EXOC5: variants seen among roughly 807,000 people sequenced by gnomAD.
The protein encoded by EXOC5 is exocyst complex component 5.
Under a neutral mutation model 90.8 loss-of-function variants are expected in EXOC5, and 17 were observed. The observed-to-expected ratio is 0.19, with a 90% confidence interval of 0.13 to 0.28. EXOC5 has a LOEUF of 0.28. EXOC5 is among the 10% of genes least tolerant of loss of function. The pLI, the probability that EXOC5 is intolerant of heterozygous loss-of-function variation, is 1.00. For missense variants in EXOC5, 569 were observed against 830.6 expected (o/e 0.69, Z 3.87); for synonymous variants, 260 against 270.0 (o/e 0.96, Z 0.36).
chr14:57,232,355 A>G (rs1883512046), intron 10 of EXOC5: 4 of 177,744 alleles, frequency 2.3e-5, no homozygotes, highest in African/African-American at 9.4e-5. Flanking sequence ...GAAGATTTAG[A>G]GCTGAAATTG....
At chr14:57,241,140 C>T (rs1883846087) in intron 4 of EXOC5, among the ~76,000 whole-genome samples, 2 of 152,310 alleles carry the variant, frequency 1.3e-5, no homozygotes, top group South Asian at 2.1e-4. Flanking sequence ...AGGCTTGAGA[C>T]ACCACGCCCT....
chr14:57,225,530 A>C (rs981453531), intron 12 of EXOC5, among the ~76,000 whole-genome samples: 2 of 152,144 alleles, frequency 1.3e-5, no homozygotes, highest in Admixed American at 6.5e-5. Flanking sequence ...AAAAATAAGT[A>C]AAACTGTATT....
At chr14:57,222,150 A>G (rs1249631695) in intron 13 of EXOC5, among the ~76,000 whole-genome samples, 158 bp downstream of exon 13, 1 of 152,262 alleles carries the variant, frequency 6.6e-6, no homozygotes, top group East Asian at 1.9e-4. Flanking sequence ...TATAGCTTTC[A>G]GCACCTGGCA....
chr14:57,232,081 T>G (rs1404349119), intron 10 of EXOC5: 1 of 175,348 alleles, frequency 5.7e-6, no homozygotes, highest in Non-Finnish European at 1.2e-5. Flanking sequence ...TCACCCTCTT[T>G]TGTTTTGTCC....
chr14:57,222,218 A>G, intron 13 of EXOC5, 90 bp downstream of exon 13: 1 of 609,664 alleles, frequency 1.6e-6, no homozygotes, highest in Non-Finnish European at 2.8e-6. Context: ...TGAGACACAG[A>G]GATGATTATA....
chr14:57,214,765 A>G (rs1594648401), intron 15 of EXOC5, among the ~76,000 whole-genome samples: 1 of 152,358 alleles, frequency 6.6e-6, no homozygotes, highest in East Asian at 1.9e-4. Flanking sequence ...GTATTTCAAG[A>G]AAGTAATTCA....
At chr14:57,238,970 A>G (rs1432902063) in intron 5 of EXOC5, among the ~76,000 whole-genome samples, 1 of 152,130 alleles carries the variant, frequency 6.6e-6, no homozygotes, top group Non-Finnish European at 1.5e-5. Context: ...AGAAATCATG[A>G]AAAAATTTCC....
At chr14:57,213,949 GAC>G (rs1882899439) in intron 15 of EXOC5, among the ~76,000 whole-genome samples, 2 of 126,360 alleles carry the variant, frequency 1.6e-5, no homozygotes, top group African/African-American at 1.1e-4. Flanking sequence ...CAGCCTGGGA[GAC>G]AGTGAGACTC....
intron 1 of EXOC5, among the ~76,000 whole-genome samples, chr14:57,251,472 G>A (rs1884190504): frequency 6.6e-6 from 1 of 152,122 alleles, no homozygotes; most frequent in Admixed American, 6.6e-5. Flanking sequence ...AAGGGAAATT[G>A]TAAAATACTT....
chr14:57,239,688 T>G (rs1883796182), intron 4 of EXOC5, 29 bp from the exon 5 acceptor site: 2 of 1,388,418 alleles, frequency 1.4e-6, no homozygotes, highest in African/African-American at 2.9e-5. Context: ...AAGCAATAAT[T>G]TAAAAAACTT....
In EXOC5 at chr14:57,201,618, C is replaced by T. The variant is rs1882512816; in HGVS notation, c.*6991G>A. The T allele has an allele frequency of 6.8e-6, 1 of 147,570 alleles. No homozygotes were observed. The highest frequency in any genetic ancestry group is 1.5e-5 in the Non-Finnish European group (1 of 67,110). The allele number at this position is 147,570 out of a possible 1,614,324, so 9.1% of individuals were successfully genotyped here. A position where few individuals can be genotyped will look rare whatever the true frequency, so the allele number is the denominator to read the frequency against. ...TATAAAGGATGGCTGGTTAAGGTGG[C>T]TCACACCTGTAATCCCAGGACTTTG... On this transcript the variant is annotated 3_prime_UTR_variant, in exon 18 of 18. Transcript: ENST00000621441.
At chr14:57,234,569 CTT>C (rs1196266019) in intron 7 of EXOC5, among the ~76,000 whole-genome samples, 2 of 122,472 alleles carry the variant, frequency 1.6e-5, no homozygotes, top group African/African-American at 3.0e-5. Flanking sequence ...ATATATATTT[CTT>C]TTTTTTTTTT....
chr14:57,222,796 CATACACACACACAT>C (rs1883191037), intron 12 of EXOC5, among the ~76,000 whole-genome samples: 1 of 147,050 alleles, frequency 6.8e-6, no homozygotes, highest in African/African-American at 2.4e-5. Flanking sequence ...CACACACACA[CATACACACACACAT>C]ACATACATAC....
chr14:57,241,157 T>C (rs1883846858), intron 4 of EXOC5, among the ~76,000 whole-genome samples: 1 of 152,142 alleles, frequency 6.6e-6, no homozygotes. Context: ...CCCTGCCCAA[T>C]ATAGATTTTT....
intron 1 of EXOC5, among the ~76,000 whole-genome samples, chr14:57,254,512 C>T (rs1235386451): frequency 6.6e-6 from 1 of 151,582 alleles, no homozygotes; most frequent in East Asian, 1.9e-4. Context: ...TGCCACCTTA[C>T]ACAGGAAATG....
chr14:57,240,287 CTAGA>C (rs1883821010), intron 4 of EXOC5, among the ~76,000 whole-genome samples: 1 of 150,568 alleles, frequency 6.6e-6, no homozygotes, highest in Admixed American at 6.6e-5. Context: ...ATCTTGTGGC[CTAGA>C]TATCTCTTGT....
intron 9 of EXOC5, chr14:57,232,954 T>G: frequency 2.3e-6 from 1 of 436,922 alleles, no homozygotes; most frequent in Non-Finnish European, 4.0e-6. Context: ...TATTTACCTG[T>G]AGAGGATCTT....
intron 4 of EXOC5, among the ~76,000 whole-genome samples, chr14:57,241,801 T>C (rs929948622): frequency 6.6e-6 from 1 of 152,110 alleles, no homozygotes; most frequent in African/African-American, 2.4e-5. Flanking sequence ...TCATCAAGTA[T>C]TATCCACATG....
chr14:57,246,520 C>T (rs991700700), intron 3 of EXOC5, among the ~76,000 whole-genome samples, 191 bp downstream of exon 3: 2 of 152,198 alleles, frequency 1.3e-5, no homozygotes, highest in African/African-American at 4.8e-5. Flanking sequence ...TAAACCAACA[C>T]TCTGTGGAAA....
Sources: allele counts gnomAD v4.1 joint callset (sites outside exome capture counted in the v4.1 genomes callset), GRCh38; gene constraint gnomAD v4.1.1; transcripts MANE v1.5; gene names NCBI Gene and HGNC (gene_info 2026-07-23, HGNC 2026-07-21).